GLTPD2: variants seen among roughly 807,000 people sequenced by gnomAD.
GLTPD2 encodes the protein glycolipid transfer protein domain-containing protein 2.
A neutral mutation model predicts 12.9 loss-of-function variants in GLTPD2; 12 were observed. That is an observed-to-expected ratio of 0.93 (90% CI 0.59 to 1.50). The LOEUF is 1.50. Among genes scored for constraint, GLTPD2 ranks in the 40% most tolerant of loss-of-function variants. The pLI is 0.00. For missense variants in GLTPD2, 450 were observed against 426.2 expected, an observed-to-expected ratio of 1.06 and a Z score of -0.49; for synonymous variants, 199 against 205.6, an observed-to-expected ratio of 0.97 and a Z score of 0.27.
Position 4,789,876 on chromosome 17 carries a change from G to T in GLTPD2, c.456G>T (p.Val152=). The T allele has an allele frequency of 1.9e-6, 3 of 1,576,652 alleles. No homozygotes were observed. Among genetic ancestry groups the T allele is most frequent in the Non-Finnish European group, 2.6e-6 (3 of 1,162,202 alleles). ...ACGCGGAGCACTACTGGTCGCTGGT[G>T]GCCATGGCGGCGTGGGAGCGGAGGG... ...GPDAEHYWSL[V]AMAAWERRAG... is the part of the protein sequence containing the mutation. The change falls in exon 4 of 4, where the codon GTG becomes GTT. Residue 152 remains valine, a synonymous_variant. Coordinates refer to ENST00000331264, the MANE Select transcript of GLTPD2 (RefSeq NM_001014985.3).
intron 2 of GLTPD2, 80 bp from the exon 3 acceptor site, chr17:4,789,431 G>T: frequency 6.5e-7 from 1 of 1,540,174 alleles, no homozygotes; most frequent in Non-Finnish European, 8.9e-7. Context: ...CACAGCAGAA[G>T]AGCCGCCAGC....
Position 4,790,088 on chromosome 17 carries a change from G to A in GLTPD2, c.668G>A (p.Gly223Asp). The A allele has an allele frequency of 7.1e-6, 10 of 1,411,808 alleles. No individual in the cohort carries two copies. Among genetic ancestry groups the A allele is most frequent in the Non-Finnish European group, 9.1e-6 (10 of 1,094,226 alleles). The allele number at this position is 1,411,808 out of a possible 1,614,324, so 87.5% of individuals were successfully genotyped here. Residue 223 changes from glycine (G) to aspartate (D), a missense_variant, in exon 4 of 4, where the codon GGT (glycine) becomes GAT (aspartate). Gly to Asp is a moderately conservative substitution (Grantham distance 94). Coordinates refer to ENST00000331264, the MANE Select transcript of GLTPD2 (RefSeq NM_001014985.3). ...AGCGACGCCTACCGTGCGGCCCTGG[G>A]TCCGCATCACCCCTGGCTGGTCCGA... is the stretch of plus-strand genomic sequence containing the variant. ...QCSDAYRAAL[G>D]PHHPWLVRQT...
At position 4,789,007 on chromosome 17, in the gene GLTPD2, C is replaced by T. The variant is rs1473182587; in HGVS notation, c.-5C>T. The T allele has an allele frequency of 6.2e-7, 1 of 1,609,474 alleles. No individual in the cohort carries two copies. On this transcript the variant is annotated 5_prime_UTR_variant, in exon 1 of 4. Transcript: ENST00000331264. ...GGTGAGGGGGCGGCGGTCCCAGCAG[C>T]AGGCATGGGAGTGGCGGCGCGGCCC...
rs759199287 is a variant in GLTPD2 at position 4,790,027 on chromosome 17, G to C, written c.607G>C (p.Gly203Arg). 21 of 1,443,882 alleles carry C rather than the reference G, an allele frequency of 1.5e-5. No individual in the cohort carries two copies. The highest frequency in any genetic ancestry group is 5.4e-6 in the Non-Finnish European group (6 of 1,108,426). 89.4% of individuals were successfully genotyped at this position (1,443,882 alleles called of 1,614,324 possible). A position where few individuals can be genotyped will look rare whatever the true frequency, so the allele number is the denominator to read the frequency against. The change falls in exon 4 of 4, where the codon GGC becomes CGC. Residue 203 changes from glycine (G) to arginine (R), a missense_variant. Coordinates refer to ENST00000331264, the MANE Select transcript of GLTPD2 (RefSeq NM_001014985.3). ...GCTCTGCCTCCACCGGGTGGCGACC[G>C]GCGCGCTGGGAGGCCCGGACGCGGG... Reference protein sequence around the residue: ...SQLCLHRVATGALGGPDAGVQ... With the variant: ...SQLCLHRVATRALGGPDAGVQ...
chr17:4,790,229 C>G lies in GLTPD2; in HGVS notation c.809C>G (p.Thr270Ser). Residue 270 changes from threonine to serine, a missense_variant, in exon 4 of 4, where the codon ACC becomes AGC. Transcript: ENST00000331264. ...ARAALVRAAG[T>S]LEDVYNRTQS... The stretch of plus-strand genomic sequence containing the variant: ...GCCGCGCTGGTCCGGGCCGCCGGCA[C>G]CTTGGAGGATGTCTACAACCGCACC... 3 of 1,487,154 alleles carry G rather than the reference C, an allele frequency of 2.0e-6. No individual in the cohort carries two copies. The highest frequency in any genetic ancestry group is 2.7e-6 in the Non-Finnish European group (3 of 1,126,436). 92.1% of individuals were successfully genotyped at this position (1,487,154 alleles called of 1,614,324 possible).
At chr17:4,789,738 C>T in intron 3 of GLTPD2, 21 bp from the exon 4 acceptor site, 1 of 1,613,546 alleles carries the variant, frequency 6.2e-7, no homozygotes, top group Non-Finnish European at 8.5e-7. Context: ...TCTCCATTCT[C>T]TCAAATCGTC....
At position 4,789,681 on chromosome 17, in the gene GLTPD2, A is replaced by G. The variant is rs1917613236; in HGVS notation, c.338+4A>G. 1 of 1,608,122 alleles carries G rather than the reference A, an allele frequency of 6.2e-7. No individual in the cohort carries two copies. The highest frequency in any genetic ancestry group is 8.5e-7 in the Non-Finnish European group (1 of 1,177,610). The stretch of plus-strand genomic sequence containing the variant: ...CGGGATGGAGGGCACTCGTCGAGTG[A>G]GTGGCCTCCCGCCCCCCAGCCGGTC... On this transcript the variant is annotated splice_donor_region_variant and intron_variant, in intron 3 of 3. Coordinates refer to ENST00000331264, the MANE Select transcript of GLTPD2 (RefSeq NM_001014985.3).
At position 4,789,440 on chromosome 17, in the gene GLTPD2, G is replaced by A. The variant is rs11868705; in HGVS notation, c.172-71G>A. ...TGAGCGCACAGCAGAAGAGCCGCCAGCTAAACCTTCGGAACAATTTCTTCA... is the reference window on the plus strand; with the variant it reads ...TGAGCGCACAGCAGAAGAGCCGCCAACTAAACCTTCGGAACAATTTCTTCA... On this transcript the variant is annotated intron_variant, in intron 2 of 3. Transcript: ENST00000331264. 7.7e-3 allele frequency: 11,927 copies of A among 1,557,492 alleles called. 757 individuals carry two copies. In the African/African-American group the frequency reaches 0.14, roughly 18 times the overall value.
In GLTPD2 at chr17:4,790,374, G is replaced by T. The variant is rs1212942120; in HGVS notation, c.*78G>T. On this transcript the variant is annotated 3_prime_UTR_variant, in exon 4 of 4. Coordinates refer to ENST00000331264, the MANE Select transcript of GLTPD2 (RefSeq NM_001014985.3). ...CGCGCAGCCCGGGGTCAGTCCTGCA[G>T]CCCGCGCCGCGGCCGCCTCCGTATC... is the stretch of plus-strand genomic sequence containing the variant. 1 of 1,196,176 alleles carries T rather than the reference G, an allele frequency of 8.4e-7. No homozygotes were observed. The highest frequency in any genetic ancestry group is 4.3e-5 in the Admixed American group (1 of 23,416). The allele number at this position is 1,196,176 out of a possible 1,614,324, so 74.1% of individuals were successfully genotyped here. A position where few individuals can be genotyped will look rare whatever the true frequency, so the allele number is the denominator to read the frequency against.
rs754294121 is a variant in GLTPD2 at position 4,790,040 on chromosome 17, G to A, written c.620G>A (p.Gly207Asp). The A allele has an allele frequency of 7.0e-7, 1 of 1,435,576 alleles. No individual in the cohort carries two copies. The allele number at this position is 1,435,576 out of a possible 1,614,324, so 88.9% of individuals were successfully genotyped here. A position where few individuals can be genotyped will look rare whatever the true frequency, so the allele number is the denominator to read the frequency against. The part of the protein sequence containing the change: ...LHRVATGALG[G>D]PDAGVQCSDA... ...CGGGTGGCGACCGGCGCGCTGGGAG[G>A]CCCGGACGCGGGCGTGCAGTGCAGC... Residue 207 changes from glycine to aspartate, a missense_variant, in exon 4 of 4, where the codon GGC becomes GAC. Transcript: ENST00000331264.
rs773561283 is a variant in GLTPD2, at chr17:4,789,221, C to T, written c.107-5C>T. The stretch of plus-strand genomic sequence containing the variant: ...CCCTCACCGCTCCGCTTCTCCTCTA[C>T]CCAGGCGCCCGCTCGGGCTGCGGAC... On this transcript the variant is annotated splice_region_variant and splice_polypyrimidine_tract_variant and intron_variant, in intron 1 of 3. Coordinates refer to ENST00000331264, the MANE Select transcript of GLTPD2 (RefSeq NM_001014985.3). 3 of 1,598,334 alleles carry T rather than the reference C, an allele frequency of 1.9e-6. No individual in the cohort carries two copies. The highest frequency in any genetic ancestry group is 1.7e-5 in the Admixed American group (1 of 57,176).
chr17:4,790,568 G>C lies in GLTPD2; in HGVS notation c.*272G>C, dbSNP rs1003613807. Among the ~76,000 whole-genome samples, 1 of 152,228 alleles carries C rather than the reference G, an allele frequency of 6.6e-6. No homozygotes were observed. The highest frequency in any genetic ancestry group is 1.5e-5 in the Non-Finnish European group (1 of 68,038). On this transcript the variant is annotated 3_prime_UTR_variant, in exon 4 of 4. Coordinates refer to ENST00000331264, the MANE Select transcript of GLTPD2 (RefSeq NM_001014985.3). Reference sequence around the variant, plus strand: ...TTGTGTGATGACGACAGGCGCTTAAGGGAAATAAAAAACGAAGGTGAGAAG... The same window carrying C: ...TTGTGTGATGACGACAGGCGCTTAACGGAAATAAAAAACGAAGGTGAGAAG...
chr17:4,789,704 GTCCCCGCC>G lies in GLTPD2; in HGVS notation c.338+31_338+38del, dbSNP rs763290491. ...TGAGTGGCCTCCCGCCCCCCAGCCGGTCCCCGCCTCCTTGGCGGCTCCATCTCCATTCT... is the reference window on the plus strand; with the variant it reads ...TGAGTGGCCTCCCGCCCCCCAGCCGGTCCTTGGCGGCTCCATCTCCATTCT... On this transcript the variant is annotated intron_variant, in intron 3 of 3. Coordinates refer to ENST00000331264, the MANE Select transcript of GLTPD2 (RefSeq NM_001014985.3). The G allele has an allele frequency of 2.5e-6, 4 of 1,612,200 alleles. No homozygotes were observed. The South Asian group carries it at 4.4e-5, about 18-fold the overall frequency.
chr17:4,789,506 AC>A lies in GLTPD2; in HGVS notation c.172-3del, dbSNP rs1917605975. ...CCACCTCTTCCCATCGTGTCTCCCC[AC>A]CAGGTCCGGCAGGAGTCGGGAACCC... On this transcript the variant is annotated splice_polypyrimidine_tract_variant and splice_region_variant and intron_variant, in intron 2 of 3. Transcript: ENST00000331264. The A allele has an allele frequency of 1.9e-6, 3 of 1,613,278 alleles. No individual in the cohort carries two copies. Among genetic ancestry groups the A allele is most frequent in the Non-Finnish European group, 2.5e-6 (3 of 1,179,482 alleles).
chr17:4,789,342 G>A (rs760775313), intron 2 of GLTPD2, 52 bp downstream of exon 2: 3 of 1,532,392 alleles, frequency 2.0e-6, no homozygotes, highest in South Asian at 2.5e-5. Context: ...ACCAGAACAG[G>A]GGGACGTGGA....
In GLTPD2 at chr17:4,789,289, A is replaced by C; in HGVS notation, c.170A>C (p.Gln57Pro). Residue 57 changes from glutamine (Q) to proline (P), a missense_variant and splice_region_variant, in exon 2 of 4, where the codon CAG becomes CCG. Coordinates refer to ENST00000331264, the MANE Select transcript of GLTPD2 (RefSeq NM_001014985.3). Reference protein sequence around the residue: ...PCVPGETAPFQVRQESGTLEA... With the variant: ...PCVPGETAPFPVRQESGTLEA... ...GTTCCAGGGGAAACGGCGCCCTTCC[A>C]GGTACGCTAGGCGCAGGATTGGGCG... 2 of 1,584,410 alleles carry C rather than the reference A, an allele frequency of 1.3e-6. No homozygotes were observed. Among genetic ancestry groups the C allele is most frequent in the Non-Finnish European group, 1.7e-6 (2 of 1,165,310 alleles).
chr17:4,790,324 C>A lies in GLTPD2; in HGVS notation c.*28C>A. On this transcript the variant is annotated 3_prime_UTR_variant, in exon 4 of 4. Coordinates refer to ENST00000331264, the MANE Select transcript of GLTPD2 (RefSeq NM_001014985.3). Reference sequence around the variant, plus strand: ...CGGCGGCTGCGGGGACCGGCGGGAACGGAGCGGACCGCCCGGGGTGGGGCC... The same window carrying A: ...CGGCGGCTGCGGGGACCGGCGGGAAAGGAGCGGACCGCCCGGGGTGGGGCC... 1 of 1,425,576 alleles carries A rather than the reference C, an allele frequency of 7.0e-7. No individual in the cohort carries two copies. The highest frequency in any genetic ancestry group is 9.1e-7 in the Non-Finnish European group (1 of 1,098,150). The allele number at this position is 1,425,576 out of a possible 1,614,324, so 88.3% of individuals were successfully genotyped here.
chr17:4,789,180 A>C (rs1260720056), intron 1 of GLTPD2, 46 bp from the exon 2 acceptor site: 5 of 1,605,238 alleles, frequency 3.1e-6, no homozygotes, highest in Non-Finnish European at 3.4e-6. Context: ...CTCACGACTC[A>C]AGCCTCTTTC....
Position 4,789,508 on chromosome 17 carries a change from C to A in GLTPD2, c.172-3C>A. On this transcript the variant is annotated splice_region_variant and splice_polypyrimidine_tract_variant and intron_variant, in intron 2 of 3. Coordinates refer to ENST00000331264, the MANE Select transcript of GLTPD2 (RefSeq NM_001014985.3). ...ACCTCTTCCCATCGTGTCTCCCCAC[C>A]AGGTCCGGCAGGAGTCGGGAACCCT... 1 of 1,613,486 alleles carries A rather than the reference C, an allele frequency of 6.2e-7. No homozygotes were observed.
Sources: gnomAD v4.1 joint callset for allele counts (sites outside exome capture counted in the v4.1 genomes callset) on GRCh38, gnomAD v4.1.1 for gene constraint, MANE v1.5 for transcripts, NCBI Gene and HGNC (gene_info 2026-07-23, HGNC 2026-07-21) for gene names.